The following LGR6 variants were observed in gnomAD, a reference collection of about 807,000 sequenced individuals.
LGR6 encodes leucine rich repeat containing G protein-coupled receptor 6.
In LGR6, 45 loss-of-function variants were observed where a neutral mutation model predicts 69.4. The ratio of observed to expected loss-of-function variants is 0.65; its 90% CI spans 0.51 to 0.83. LGR6 has a LOEUF of 0.83. LGR6 is among the 40% of genes least tolerant of loss of function. The pLI is 0.00. For missense variants in LGR6, 1,108 were observed against 1,246.7 expected (o/e 0.89, Z 1.68); for synonymous variants, 538 against 555.0 (o/e 0.97, Z 0.43).
At chr1:202,283,450 T>C (rs1666162409) in intron 6 of LGR6, among the ~76,000 whole-genome samples, 1 of 152,220 alleles carries the variant, frequency 6.6e-6, no homozygotes, top group African/African-American at 2.4e-5. Flanking sequence ...CTGGAGCTTT[T>C]CATGTGAGCT....
At chr1:202,313,379 C>T (rs926669924) in intron 16 of LGR6, among the ~76,000 whole-genome samples, 1 of 152,152 alleles carries the variant, frequency 6.6e-6, no homozygotes, top group Non-Finnish European at 1.5e-5. Context: ...TCAGCTCATG[C>T]ATCTGTAAAT....
Position 202,235,951 on chromosome 1 carries a change from T to C in LGR6, c.386T>C (p.Ile129Thr), listed in dbSNP as rs980899902. 1 of 1,614,014 alleles carries C rather than the reference T, an allele frequency of 6.2e-7. No individual in the cohort carries two copies. The highest frequency in any genetic ancestry group is 8.5e-7 in the Non-Finnish European group (1 of 1,179,998). Residue 129 changes from isoleucine to threonine, a missense_variant, in exon 4 of 18, where the codon ATC (isoleucine) becomes ACC (threonine). By Grantham distance (89) the Ile-to-Thr change is moderately conservative (BLOSUM62 -1). Transcript: ENST00000367278. ...LMLQNNQLGG[I>T]PAEALWELPS... is the part of the protein sequence containing the mutation. ...CTGCAGAACAATCAGCTGGGAGGAA[T>C]CCCCGCAGAGGCGCTGTGGGAGCTG...
intron 1 of LGR6, among the ~76,000 whole-genome samples, chr1:202,204,606 CCAAA>C (rs1182578693): frequency 2.4e-3 from 7 of 2,892 alleles, no homozygotes; most frequent in Admixed American, 0.015. Flanking sequence ...ACACACACCT[CCAAA>C]CACACACCTC....
chr1:202,253,112 T>C (rs2148067720), intron 4 of LGR6, among the ~76,000 whole-genome samples: 1 of 152,326 alleles, frequency 6.6e-6, no homozygotes, highest in African/African-American at 2.4e-5. Flanking sequence ...GCTGCTTTTC[T>C]GTGAAAACCA....
At chr1:202,289,337 G>T (rs549187481) in intron 6 of LGR6, among the ~76,000 whole-genome samples, 1 of 152,236 alleles carries the variant, frequency 6.6e-6, no homozygotes, top group African/African-American at 2.4e-5. Context: ...CAATTGGGCC[G>T]GAATCTCAGA....
chr1:202,319,069 G>T lies in LGR6; in HGVS notation c.2766G>T (p.Gly922=). 6.2e-7 allele frequency: 1 copy of T among 1,614,160 alleles called. No individual in the cohort carries two copies. The highest frequency in any genetic ancestry group is 8.5e-7 in the Non-Finnish European group (1 of 1,180,014). Reference sequence around the variant, plus strand: ...GCAGCCATTGTGTAGAGCCAGAGGGGAACCACTTTGGGAACCCCCAACCCT... The same window carrying T: ...GCAGCCATTGTGTAGAGCCAGAGGGTAACCACTTTGGGAACCCCCAACCCT... ...LEGSHCVEPE[G]NHFGNPQPSM... is the part of the protein sequence containing the mutation. The change falls in exon 18 of 18, where the codon GGG becomes GGT. Residue 922 remains glycine, a synonymous_variant. Coordinates refer to ENST00000367278, the MANE Select transcript of LGR6 (RefSeq NM_001017403.2).
chr1:202,254,560 C>T (rs1237104548), intron 4 of LGR6, among the ~76,000 whole-genome samples: 1 of 152,254 alleles, frequency 6.6e-6, no homozygotes, highest in Admixed American at 6.5e-5. Context: ...CTGTGTTGTA[C>T]ACTTCCCCAT....
intron 5 of LGR6, among the ~76,000 whole-genome samples, chr1:202,277,602 C>A (rs1471906806): frequency 6.6e-6 from 1 of 151,894 alleles, no homozygotes; most frequent in Non-Finnish European, 1.5e-5. Flanking sequence ...CATGGTTGGC[C>A]CCAGGTGGAT....
At chr1:202,310,473 C>T in intron 16 of LGR6, 116 bp downstream of exon 16, 1 of 1,033,002 alleles carries the variant, frequency 9.7e-7, no homozygotes, top group South Asian at 1.6e-5. Context: ...GGAAGCCCTA[C>T]AGAGGTGGGA....
At chr1:202,284,318 G>A (rs1666239595) in intron 6 of LGR6, among the ~76,000 whole-genome samples, 3 of 152,188 alleles carry the variant, frequency 2.0e-5, no homozygotes, top group Admixed American at 1.3e-4. Flanking sequence ...TCCACAATGA[G>A]GATGACCCGA....
chr1:202,216,108 T>C (rs749210850), intron 1 of LGR6, among the ~76,000 whole-genome samples: 2 of 152,224 alleles, frequency 1.3e-5, no homozygotes, highest in African/African-American at 2.4e-5. Flanking sequence ...TGATGTATAC[T>C]AGGTGCTCAA....
intron 1 of LGR6, among the ~76,000 whole-genome samples, chr1:202,207,074 T>C (rs12747752): frequency 6.6e-6 from 1 of 152,114 alleles, no homozygotes; most frequent in Non-Finnish European, 1.5e-5. Context: ...CCTGCCACCA[T>C]GCCCAGCTAA....
At chr1:202,227,047 C>G (rs771698244) in intron 2 of LGR6, among the ~76,000 whole-genome samples, 3 of 152,186 alleles carry the variant, frequency 2.0e-5, no homozygotes, top group Non-Finnish European at 4.4e-5. Flanking sequence ...CCTAAAGGAC[C>G]TTTCCACGGC....
rs763858097 is a variant in LGR6, at chr1:202,301,180, C to T, written c.874C>T (p.Pro292Ser). 2 of 1,614,176 alleles carry T rather than the reference C, an allele frequency of 1.2e-6. No individual in the cohort carries two copies. The highest frequency in any genetic ancestry group is 1.3e-5 in the African/African-American group (1 of 75,032). The change falls in exon 9 of 18, where the codon CCA (proline) becomes TCA (serine). Residue 292 changes from proline to serine, a missense_variant. Coordinates refer to ENST00000367278, the MANE Select transcript of LGR6 (RefSeq NM_001017403.2). ...TTCTTCCAGACACTTTTATGATAACCCAATCCAGTTTGTGGGAAGATCGGC... is the reference window on the plus strand; with the variant it reads ...TTCTTCCAGACACTTTTATGATAACTCAATCCAGTTTGTGGGAAGATCGGC... Reference protein sequence around the residue: ...LLQTIHFYDNPIQFVGRSAFQ... With the variant: ...LLQTIHFYDNSIQFVGRSAFQ...
At chr1:202,248,089 A>G (rs1375160269) in intron 4 of LGR6, among the ~76,000 whole-genome samples, 1 of 152,228 alleles carries the variant, frequency 6.6e-6, no homozygotes, top group African/African-American at 2.4e-5. Context: ...GTGAAAATCC[A>G]CACAGCAACC....
intron 12 of LGR6, 34 bp downstream of exon 12, chr1:202,305,783 C>T (rs1653126452): frequency 6.3e-7 from 1 of 1,578,870 alleles, no homozygotes; most frequent in Non-Finnish European, 8.7e-7. Flanking sequence ...CAAAAGCACG[C>T]CAGCCAGACC....
At chr1:202,302,583 G>T (rs1667681560) in intron 9 of LGR6, among the ~76,000 whole-genome samples, 1 of 152,108 alleles carries the variant, frequency 6.6e-6, no homozygotes, top group African/African-American at 2.4e-5. Flanking sequence ...ATCTCACTCT[G>T]TTGCTCAGGC....
At chr1:202,199,098 A>C (rs1016575320) in intron 1 of LGR6, among the ~76,000 whole-genome samples, 12 of 152,090 alleles carry the variant, frequency 7.9e-5, no homozygotes, top group African/African-American at 2.9e-4. Flanking sequence ...TTGGATGAAA[A>C]ACTAGAAAGT....
rs116870423 is a variant in LGR6 at position 202,308,485 on chromosome 1, G to C, written c.1281-566G>C. ...TTTGGAACCCTGGGCTTCCTCTAAT[G>C]CGCCTCCAGTAGAAGAAAATGCATG... is the stretch of plus-strand genomic sequence containing the variant. On this transcript the variant is annotated intron_variant, in intron 14 of 17. Coordinates refer to ENST00000367278, the MANE Select transcript of LGR6 (RefSeq NM_001017403.2). 1.2e-3 allele frequency among the ~76,000 whole-genome samples: 181 copies of C among 152,220 alleles called. 2 individuals are homozygous for C. In the East Asian group the frequency reaches 0.032, roughly 27 times the overall value.
Sources: allele counts gnomAD v4.1 joint callset (sites outside exome capture counted in the v4.1 genomes callset), GRCh38; gene constraint gnomAD v4.1.1; transcripts MANE v1.5; gene names NCBI Gene and HGNC (gene_info 2026-07-23, HGNC 2026-07-21).